S100Z: variants seen among roughly 807,000 people sequenced by gnomAD.
The protein encoded by S100Z is protein S100-Z.
Under a neutral mutation model 8.5 loss-of-function variants are expected in S100Z, and 11 were observed. That is an observed-to-expected ratio of 1.30 (90% CI 0.82 to 2.15). The LOEUF is 2.15. Among genes scored for constraint, S100Z ranks in the 30% most tolerant of loss-of-function variants. The pLI is 0.00. For synonymous variants in S100Z, 34 were observed against 43.8 expected (o/e 0.78, Z 0.89); for missense variants, 126 against 117.9 (o/e 1.07, Z -0.32).
chr5:76,895,488 C>T (rs752645317), intron 4 of S100Z, among the ~76,000 whole-genome samples: 2 of 151,666 alleles, frequency 1.3e-5, no homozygotes, highest in Non-Finnish European at 2.9e-5. Context: ...AAAAAAAAAC[C>T]CCTGATGTCC....
the S100Z span, among the ~76,000 whole-genome samples, chr5:76,940,453 C>T: frequency 6.6e-6 from 1 of 151,784 alleles, no homozygotes; most frequent in Non-Finnish European, 1.5e-5. Flanking sequence ...TGCTTTGTCA[C>T]CCAGGCTGGA....
intron 4 of S100Z, 110 bp from the exon 5 acceptor site, chr5:76,920,607 G>A (rs1221427458): frequency 3.9e-5 from 6 of 152,228 alleles, no homozygotes; most frequent in African/African-American, 1.2e-4. Flanking sequence ...CAGAGTGGTA[G>A]ATAAACTTAT....
At chr5:76,879,762 A>G (rs1453035793) in intron 4 of S100Z, among the ~76,000 whole-genome samples, 1 of 152,144 alleles carries the variant, frequency 6.6e-6, no homozygotes, top group Non-Finnish European at 1.5e-5. Context: ...GGCCAGGGAG[A>G]AAGAAGGAAA....
At chr5:76,885,156 G>T (rs2150652611) in intron 4 of S100Z, among the ~76,000 whole-genome samples, 1 of 152,308 alleles carries the variant, frequency 6.6e-6, no homozygotes, top group South Asian at 2.1e-4. Flanking sequence ...TTTAGGTCAG[G>T]CGAGAGTTGA....
intron 1 of S100Z, among the ~76,000 whole-genome samples, chr5:76,865,750 T>A (rs553262866): frequency 6.6e-6 from 1 of 151,414 alleles, no homozygotes; most frequent in African/African-American, 2.4e-5. Flanking sequence ...CAGTGGCTCA[T>A]GCCTGTAATC....
At chr5:76,895,942 T>G (rs181645369) in intron 4 of S100Z, among the ~76,000 whole-genome samples, 1,977 of 152,040 alleles carry the variant, frequency 0.013, 27 homozygotes, top group Middle Eastern at 0.037. Context: ...TTTGTATTTT[T>G]AGTAGAGATG....
At chr5:76,896,155 T>G (rs1744030045) in intron 4 of S100Z, among the ~76,000 whole-genome samples, 1 of 152,134 alleles carries the variant, frequency 6.6e-6, no homozygotes, top group African/African-American at 2.4e-5. Flanking sequence ...TTTGTACCCA[T>G]TAATCATCCC....
At chr5:76,938,126 A>AAAG in the S100Z span, among the ~76,000 whole-genome samples, 1 of 151,400 alleles carries the variant, frequency 6.6e-6, no homozygotes, top group Non-Finnish European at 1.5e-5. Context: ...AAACAAAAAA[A>AAAG]GAAATGAGAT....
chr5:76,861,124 C>T (rs1232387360), intron 1 of S100Z, among the ~76,000 whole-genome samples: 4 of 152,188 alleles, frequency 2.6e-5, no homozygotes, highest in Non-Finnish European at 5.9e-5. Flanking sequence ...TTGATTCTCA[C>T]AAGGTTGTGT....
At chr5:76,891,161 C>T (rs935078364) in intron 4 of S100Z, among the ~76,000 whole-genome samples, 1 of 152,228 alleles carries the variant, frequency 6.6e-6, no homozygotes, top group African/African-American at 2.4e-5. Context: ...CCATGCCCGG[C>T]CCCCAGTTTC....
At chr5:76,910,097 A>C (rs1446135612) in intron 4 of S100Z, among the ~76,000 whole-genome samples, 1 of 152,204 alleles carries the variant, frequency 6.6e-6, no homozygotes, top group Admixed American at 6.5e-5. Context: ...TTCTAGAAGG[A>C]CTAAGGAGAA....
intron 4 of S100Z, among the ~76,000 whole-genome samples, chr5:76,914,566 G>T (rs762150221): frequency 1.3e-5 from 2 of 152,102 alleles, no homozygotes; most frequent in Non-Finnish European, 1.5e-5. Context: ...TCTTGCTGCT[G>T]CTCACTCTTT....
chr5:76,916,350 G>A (rs1023496513), intron 4 of S100Z, among the ~76,000 whole-genome samples: 1 of 152,102 alleles, frequency 6.6e-6, no homozygotes, highest in Admixed American at 6.6e-5. Flanking sequence ...ATTGAAGACT[G>A]CAACATCCTT....
chr5:76,888,749 G>T lies in S100Z; in HGVS notation c.*2+10915G>T, dbSNP rs1743752352. On this transcript the variant is annotated intron_variant, in intron 4 of 4. Transcript: ENST00000317593. ...CATTTTTTAAAGCATCTCTGGAAAA[G>T]TTTCTTGTAAAGCCCCGGCTCTTAG... Among the ~76,000 whole-genome samples the T allele has an allele frequency of 1.3e-5, 2 of 152,278 alleles. 1 individual carries two copies. Among genetic ancestry groups the T allele is most frequent in the African/African-American group, 4.8e-5 (2 of 41,548 alleles).
chr5:76,885,493 A>T (rs1412569162), intron 4 of S100Z, among the ~76,000 whole-genome samples: 1 of 117,462 alleles, frequency 8.5e-6, no homozygotes, highest in African/African-American at 3.6e-5. Context: ...CCCCCAGGAA[A>T]GTAGGAACGG....
the S100Z span, among the ~76,000 whole-genome samples, chr5:76,936,191 C>T: frequency 0.014 from 2,084 of 151,776 alleles, 40 homozygotes; most frequent in African/African-American, 0.047. Context: ...ATATCGTATG[C>T]GAGTAAAATG....
In S100Z at chr5:76,906,968, GTGTGTGTGTATATATATATATATATATA is replaced by G. The variant is rs1359009672; in HGVS notation, c.*3-13747_*3-13720del. ...TTTAAAGGCTGAATAGTATTCCATT[GTGTGTGTGTATATATATATATATATATA>G]TATATATATATATATATATATATAT... On this transcript the variant is annotated intron_variant, in intron 4 of 4. Transcript: ENST00000317593. Among the ~76,000 whole-genome samples the G allele has an allele frequency of 1.7e-4, 4 of 23,962 alleles. No homozygotes were observed. In the African/African-American group the frequency reaches 2.0e-3, roughly 12 times the overall value. 15.7% of individuals were successfully genotyped at this position (23,962 alleles called of 152,430 possible).
At chr5:76,855,986 T>G (rs2150619705) in intron 1 of S100Z, among the ~76,000 whole-genome samples, 1 of 152,260 alleles carries the variant, frequency 6.6e-6, no homozygotes, top group South Asian at 2.1e-4. Context: ...AGTGAGTGAA[T>G]GAGCTAGCAT....
At chr5:76,893,095 CT>C (rs1339397212) in intron 4 of S100Z, among the ~76,000 whole-genome samples, 1 of 152,078 alleles carries the variant, frequency 6.6e-6, no homozygotes, top group African/African-American at 2.4e-5. Context: ...TAATTTTTCC[CT>C]TTGGCACAGT....
Sources: gnomAD v4.1 joint callset for allele counts (sites outside exome capture counted in the v4.1 genomes callset) on GRCh38, gnomAD v4.1.1 for gene constraint, MANE v1.5 for transcripts, NCBI Gene and HGNC (gene_info 2026-07-23, HGNC 2026-07-21) for gene names.